POU2AF2: variants seen among roughly 807,000 people sequenced by gnomAD.
The protein encoded by POU2AF2 is POU class 2 homeobox associating factor 2, also known as POU domain class 2-associating factor 2.
At chr11:111,262,677 C>T in the POU2AF2 span, among the ~76,000 whole-genome samples, 1 of 152,190 alleles carries the variant, frequency 6.6e-6, no homozygotes, top group African/African-American at 2.4e-5. Context: ...CTTCTGGCTA[C>T]AAATGGTCTT....
chr11:111,261,521 A>C, the POU2AF2 span, among the ~76,000 whole-genome samples: 6 of 152,128 alleles, frequency 3.9e-5, no homozygotes, highest in Non-Finnish European at 8.8e-5. Context: ...TTCTTAAGCT[A>C]TCTTATGGAT....
the POU2AF2 span, among the ~76,000 whole-genome samples, chr11:111,280,251 C>T: frequency 6.6e-6 from 1 of 151,802 alleles, no homozygotes; most frequent in African/African-American, 2.4e-5. Flanking sequence ...AAGGTCCCTA[C>T]AGTTGGTGGA....
the POU2AF2 span, chr11:111,284,047 C>T: frequency 6.3e-7 from 1 of 1,598,822 alleles, no homozygotes; most frequent in Non-Finnish European, 8.6e-7. Flanking sequence ...GAGGAATTTT[C>T]TGCCCATGTG....
chr11:111,277,671 A>C, the POU2AF2 span, among the ~76,000 whole-genome samples: 106 of 152,336 alleles, frequency 7.0e-4, no homozygotes, highest in African/African-American at 2.5e-3. Context: ...AGGGGCCTTG[A>C]TCCTGGCCCC....
At chr11:111,248,149 C>T in the POU2AF2 span, among the ~76,000 whole-genome samples, 1 of 152,048 alleles carries the variant, frequency 6.6e-6, no homozygotes, top group Non-Finnish European at 1.5e-5. Flanking sequence ...TTCTTGTATT[C>T]TCCTGGAGGT....
chr11:111,256,606 C>G, the POU2AF2 span, among the ~76,000 whole-genome samples: 1 of 152,190 alleles, frequency 6.6e-6, no homozygotes, highest in Non-Finnish European at 1.5e-5. Flanking sequence ...TCTTCTGGAC[C>G]CAATATGAAA....
At chr11:111,256,050 G>A in the POU2AF2 span, 1 of 398,974 alleles carries the variant, frequency 2.5e-6, no homozygotes, top group African/African-American at 2.1e-5. Flanking sequence ...AAGATCTCCT[G>A]GCAGAAAAAC....
the POU2AF2 span, among the ~76,000 whole-genome samples, chr11:111,257,693 C>T: frequency 1.3e-5 from 2 of 152,216 alleles, no homozygotes; most frequent in South Asian, 4.1e-4. Context: ...TCTTTTAAAC[C>T]ACCACCTCTC....
chr11:111,281,957 C>T, the POU2AF2 span, among the ~76,000 whole-genome samples: 1 of 152,164 alleles, frequency 6.6e-6, no homozygotes, highest in Admixed American at 6.5e-5. Flanking sequence ...AGACGCGGCA[C>T]ATTCCCTAAT....
At chr11:111,280,799 A>T in the POU2AF2 span, among the ~76,000 whole-genome samples, 4 of 152,250 alleles carry the variant, frequency 2.6e-5, no homozygotes, top group Non-Finnish European at 5.9e-5. Context: ...AAAAAAATGT[A>T]TGCTGAGGTC....
chr11:111,284,766 A>G, the POU2AF2 span, among the ~76,000 whole-genome samples: 2 of 152,176 alleles, frequency 1.3e-5, no homozygotes, highest in Non-Finnish European at 2.9e-5. Flanking sequence ...AATGAGATGG[A>G]TCATAATCTC....
chr11:111,282,067 T>C, the POU2AF2 span, among the ~76,000 whole-genome samples: 6 of 152,206 alleles, frequency 3.9e-5, no homozygotes, highest in South Asian at 2.1e-4. Context: ...TCATATATAG[T>C]GCCATTGAAA....
chr11:111,281,103 G>A, the POU2AF2 span, among the ~76,000 whole-genome samples: 16 of 152,172 alleles, frequency 1.1e-4, no homozygotes, highest in African/African-American at 3.9e-4. Flanking sequence ...ATATATATTG[G>A]ATGAGGGAAT....
the POU2AF2 span, among the ~76,000 whole-genome samples, chr11:111,272,828 A>G: frequency 6.6e-6 from 1 of 152,162 alleles, no homozygotes; most frequent in Non-Finnish European, 1.5e-5. Context: ...CAACTTGCTT[A>G]TTATTCCCTG....
At chr11:111,255,860 C>A in the POU2AF2 span, 1 of 396,036 alleles carries the variant, frequency 2.5e-6, no homozygotes, top group East Asian at 3.6e-5. Flanking sequence ...CACTTCAAAT[C>A]CAGGAATTCT....
At chr11:111,254,533 C>T in the POU2AF2 span, among the ~76,000 whole-genome samples, 1 of 152,112 alleles carries the variant, frequency 6.6e-6, no homozygotes, top group African/African-American at 2.4e-5. Context: ...GGTGATTATA[C>T]CCATTTTACA....
chr11:111,264,355 G>A, the POU2AF2 span, among the ~76,000 whole-genome samples: 2 of 151,880 alleles, frequency 1.3e-5, no homozygotes, highest in Non-Finnish European at 2.9e-5. Context: ...AATTAGCCTG[G>A]CATGGTGGTG....
chr11:111,265,281 C>A, the POU2AF2 span, among the ~76,000 whole-genome samples: 1 of 152,184 alleles, frequency 6.6e-6, no homozygotes, highest in African/African-American at 2.4e-5. Flanking sequence ...CCAAAGCCTC[C>A]GGAATATTTT....
At chr11:111,285,651 A>G in the POU2AF2 span, 15 of 1,610,252 alleles carry the variant, frequency 9.3e-6, no homozygotes, top group Admixed American at 3.4e-5. Context: ...CATTCTCCTC[A>G]GAGGGACTCA....
Sources: gnomAD v4.1 joint callset for allele counts (sites outside exome capture counted in the v4.1 genomes callset) on GRCh38, gnomAD v4.1.1 for gene constraint, MANE v1.5 for transcripts, NCBI Gene and HGNC (gene_info 2026-07-23, HGNC 2026-07-21) for gene names.